GHR: variants seen among roughly 807,000 people sequenced by gnomAD.
GHR encodes GH receptor.
In GHR, 35 loss-of-function variants were observed where a neutral mutation model predicts 67.1. The ratio of observed to expected loss-of-function variants is 0.52; its 90% CI spans 0.40 to 0.69. The LOEUF is 0.69. GHR is among the 30% of genes least tolerant of loss of function. The pLI is 0.00. For synonymous variants in GHR, 272 were observed against 269.1 expected (o/e 1.01, Z -0.10); for missense variants, 792 against 764.6 (o/e 1.04, Z -0.42).
Position 42,720,198 on chromosome 5 carries a change from A to G in GHR, c.*774A>G, listed in dbSNP as rs941463884. On this transcript the variant is annotated 3_prime_UTR_variant, in exon 10 of 10. Coordinates refer to ENST00000230882, the MANE Select transcript of GHR (RefSeq NM_000163.5). ...TTGTAGTAATCTGCATTATTGGAAT[A>G]TAATTGTTTTATCTGAATTTTTAAA... 1 of 152,282 alleles carries G rather than the reference A, an allele frequency of 6.6e-6. No homozygotes were observed. The highest frequency in any genetic ancestry group is 1.5e-5 in the Non-Finnish European group (1 of 68,064). 9.4% of individuals were successfully genotyped at this position (152,282 alleles called of 1,614,324 possible). A position where few individuals can be genotyped will look rare whatever the true frequency, so the allele number is the denominator to read the frequency against.
At chr5:42,667,422 T>C (rs1756044718) in intron 3 of GHR, among the ~76,000 whole-genome samples, 1 of 152,188 alleles carries the variant, frequency 6.6e-6, no homozygotes, top group African/African-American at 2.4e-5. Flanking sequence ...ATATTTTCCT[T>C]TAAGGAATTC....
intron 1 of GHR, among the ~76,000 whole-genome samples, chr5:42,477,980 T>A (rs6882586): frequency 0.17 from 24,691 of 149,358 alleles, 2,309 homozygotes; most frequent in Middle Eastern, 0.26. Flanking sequence ...CTGAATGGTA[T>A]TGCCTCGGTT....
rs1579626687 is a variant in GHR, at chr5:42,695,049, T to C, written c.399T>C (p.Gly133=). 2 of 1,611,184 alleles carry C rather than the reference T, an allele frequency of 1.2e-6. No individual in the cohort carries two copies. The highest frequency in any genetic ancestry group is 1.7e-6 in the Non-Finnish European group (2 of 1,177,416). Residue 133 remains glycine (G), a synonymous_variant, in exon 5 of 10, where the codon GGT becomes GGC. Coordinates refer to ENST00000230882, the MANE Select transcript of GHR (RefSeq NM_000163.5). ...IPYCIKLTSN[G]GTVDEKCFSV... Reference sequence around the variant, plus strand: ...ATTGTATCAAGCTAACTAGCAATGGTGGTACAGTGGATGAAAAGTGTTTCT... The same window carrying C: ...ATTGTATCAAGCTAACTAGCAATGGCGGTACAGTGGATGAAAAGTGTTTCT...
At chr5:42,713,675 A>G (rs1267545489) in intron 8 of GHR, among the ~76,000 whole-genome samples, 156 bp downstream of exon 8, 2 of 152,200 alleles carry the variant, frequency 1.3e-5, no homozygotes, top group African/African-American at 4.8e-5. Context: ...TTTACCATTC[A>G]TATAAAACTC....
intron 3 of GHR, among the ~76,000 whole-genome samples, chr5:42,640,766 A>ATG (rs10628675): frequency 0.25 from 37,993 of 151,122 alleles, 4,907 homozygotes; most frequent in Middle Eastern, 0.31. Context: ...CATATCATAT[A>ATG]TGTGTGTGTG....
At position 42,718,107 on chromosome 5, in the gene GHR, C is replaced by A; in HGVS notation, c.931C>A (p.Pro311Thr). 1 of 1,522,302 alleles carries A rather than the reference C, an allele frequency of 6.6e-7. No individual in the cohort carries two copies. The highest frequency in any genetic ancestry group is 9.1e-7 in the Non-Finnish European group (1 of 1,096,440). The allele number at this position is 1,522,302 out of a possible 1,614,324, so 94.3% of individuals were successfully genotyped here. A position where few individuals can be genotyped will look rare whatever the true frequency, so the allele number is the denominator to read the frequency against. Residue 311 changes from proline (P) to threonine (T), a missense_variant, in exon 9 of 10, where the codon CCA (proline) becomes ACA (threonine). By Grantham distance (38) the Pro-to-Thr change is conservative (BLOSUM62 -1). Coordinates refer to ENST00000230882, the MANE Select transcript of GHR (RefSeq NM_000163.5). ...AGTTCCAAAGATTAAAGGAATCGATCCAGATCTCCTCAAGGTAACTAATAA... is the reference window on the plus strand; with the variant it reads ...AGTTCCAAAGATTAAAGGAATCGATACAGATCTCCTCAAGGTAACTAATAA... The part of the protein sequence containing the change: ...VPVPKIKGID[P>T]DLLKEGKLEE...
intron 1 of GHR, among the ~76,000 whole-genome samples, chr5:42,447,900 T>C (rs1373133625): frequency 6.6e-6 from 1 of 151,826 alleles, no homozygotes; most frequent in Non-Finnish European, 1.5e-5. Flanking sequence ...CCTCTGGGAT[T>C]ACAGGTGCCC....
chr5:42,643,801 T>C (rs139240917), intron 3 of GHR, among the ~76,000 whole-genome samples: 4 of 152,064 alleles, frequency 2.6e-5, no homozygotes, highest in African/African-American at 9.7e-5. Context: ...ACAATTCTGG[T>C]CCTACAAAAT....
chr5:42,663,823 C>T (rs1755800399), intron 3 of GHR, among the ~76,000 whole-genome samples: 1 of 152,158 alleles, frequency 6.6e-6, no homozygotes, highest in Non-Finnish European at 1.5e-5. Flanking sequence ...TTGCAGATGA[C>T]ATGATTGTAT....
At chr5:42,449,202 A>C (rs555118894) in intron 1 of GHR, among the ~76,000 whole-genome samples, 38 of 152,192 alleles carry the variant, frequency 2.5e-4, no homozygotes, top group Middle Eastern at 3.4e-3. Context: ...GAATTGCATT[A>C]AATTTGTAGA....
chr5:42,514,409 CTT>C, intron 1 of GHR: 1 of 720,444 alleles, frequency 1.4e-6, no homozygotes, highest in Non-Finnish European at 1.7e-6. Flanking sequence ...TGAAAAGTTA[CTT>C]ATATCTGGGG....
At chr5:42,637,651 T>C (rs1754266968) in intron 3 of GHR, among the ~76,000 whole-genome samples, 1 of 152,214 alleles carries the variant, frequency 6.6e-6, no homozygotes, top group African/African-American at 2.4e-5. Flanking sequence ...TTTTTATGGC[T>C]GCATAGCTTT....
chr5:42,708,587 A>C (rs1307902709), intron 6 of GHR, among the ~76,000 whole-genome samples: 2 of 152,206 alleles, frequency 1.3e-5, no homozygotes, highest in African/African-American at 4.8e-5. Context: ...AAGATTCTCA[A>C]ATTTTTAAGA....
chr5:42,488,321 A>G (rs544116386), intron 1 of GHR, among the ~76,000 whole-genome samples: 8 of 152,366 alleles, frequency 5.3e-5, no homozygotes, highest in African/African-American at 1.9e-4. Flanking sequence ...GGTCCAGGAT[A>G]TAGGTAACAT....
chr5:42,679,151 A>T (rs186540272), intron 3 of GHR, among the ~76,000 whole-genome samples: 1,701 of 145,420 alleles, frequency 0.012, 46 homozygotes, highest in African/African-American at 0.041. Flanking sequence ...TATATATTGT[A>T]TATTATATAT....
chr5:42,629,901 C>A (rs1239543961), intron 3 of GHR, among the ~76,000 whole-genome samples: 1 of 131,838 alleles, frequency 7.6e-6, no homozygotes, highest in African/African-American at 3.2e-5. Context: ...ACCAAATTGC[C>A]TTAAGCTTCA....
intron 1 of GHR, among the ~76,000 whole-genome samples, chr5:42,506,069 G>T (rs1044384470): frequency 5.3e-5 from 8 of 152,106 alleles, no homozygotes; most frequent in African/African-American, 1.9e-4. Context: ...TTTAGGACTT[G>T]CTCTGGAGCC....
chr5:42,599,886 G>A (rs1228984394), intron 2 of GHR, among the ~76,000 whole-genome samples: 1 of 152,046 alleles, frequency 6.6e-6, no homozygotes, highest in Non-Finnish European at 1.5e-5. Context: ...CTTTTTCACA[G>A]TCCCCTTCAA....
intron 2 of GHR, among the ~76,000 whole-genome samples, chr5:42,578,275 T>A (rs1188373904): frequency 6.6e-6 from 1 of 152,202 alleles, no homozygotes; most frequent in East Asian, 1.9e-4. Flanking sequence ...AGTTGCATAT[T>A]GAACTGACAG....
Sources: gnomAD v4.1 joint callset for allele counts (sites outside exome capture counted in the v4.1 genomes callset) on GRCh38, gnomAD v4.1.1 for gene constraint, MANE v1.5 for transcripts, NCBI Gene and HGNC (gene_info 2026-07-23, HGNC 2026-07-21) for gene names.